CSGALNACT1: variants seen among roughly 807,000 people sequenced by gnomAD.
The protein encoded by CSGALNACT1 is chondroitin sulfate N-acetylgalactosaminyltransferase 1, also known as beta4GalNAcT-1.
In CSGALNACT1, 52 loss-of-function variants were observed where a neutral mutation model predicts 51.0. The ratio of observed to expected loss-of-function variants is 1.02; its 90% CI spans 0.82 to 1.29. CSGALNACT1 has a LOEUF of 1.29. Ranked by LOEUF, CSGALNACT1 falls within the 50% of genes most tolerant of loss-of-function variation. The pLI, the probability that CSGALNACT1 is intolerant of heterozygous loss-of-function variation, is 0.00. For missense variants in CSGALNACT1, 935 were observed against 679.2 expected (o/e 1.38, Z -4.19); for synonymous variants, 341 against 254.4 (o/e 1.34, Z -3.24).
At chr8:19,586,913 T>G (rs74772119) in intron 3 of CSGALNACT1, among the ~76,000 whole-genome samples, 1,943 of 152,298 alleles carry the variant, frequency 0.013, 42 homozygotes, top group African/African-American at 0.044. Flanking sequence ...GATCACGAAA[T>G]TCTTCTTTGA....
intron 3 of CSGALNACT1, among the ~76,000 whole-genome samples, chr8:19,558,985 G>A (rs1006063712): frequency 5.9e-5 from 9 of 152,066 alleles, no homozygotes; most frequent in South Asian, 2.1e-4. Flanking sequence ...CCAAATATTT[G>A]ATGTTCCTTG....
chr8:19,591,514 G>A (rs1298945570), intron 2 of CSGALNACT1, among the ~76,000 whole-genome samples: 1 of 152,144 alleles, frequency 6.6e-6, no homozygotes, highest in Non-Finnish European at 1.5e-5. Context: ...AAGTCCAACC[G>A]TGTAACAAAG....
intron 3 of CSGALNACT1, among the ~76,000 whole-genome samples, chr8:19,557,403 C>G (rs2039705228): frequency 6.6e-6 from 1 of 152,168 alleles, no homozygotes; most frequent in Non-Finnish European, 1.5e-5. Flanking sequence ...CAGCTCCAGA[C>G]TCTCCAACGT....
chr8:19,642,844 A>G (rs996821987), intron 1 of CSGALNACT1, among the ~76,000 whole-genome samples: 1 of 152,076 alleles, frequency 6.6e-6, no homozygotes, highest in Non-Finnish European at 1.5e-5. Flanking sequence ...AACAACAACA[A>G]AAAAATTGCT....
chr8:19,451,304 A>G (rs541927527), intron 5 of CSGALNACT1, among the ~76,000 whole-genome samples: 1 of 151,674 alleles, frequency 6.6e-6, no homozygotes, highest in Non-Finnish European at 1.5e-5. Flanking sequence ...ACAAGTTCCA[A>G]TTTTCTATTA....
intron 6 of CSGALNACT1, among the ~76,000 whole-genome samples, chr8:19,437,443 G>C (rs1472754378): frequency 1.3e-5 from 2 of 152,054 alleles, no homozygotes; most frequent in African/African-American, 2.4e-5. Flanking sequence ...GTAGAGTGTG[G>C]TATGGTACTG....
rs146317095 is a variant in CSGALNACT1 at position 19,511,558 on chromosome 8, T to C, written c.-296-5428A>G. ...AACTTTATTTGAACATATGGCTTCA[T>C]TTAGAATTCCCTCTACCCCAGTTGA... On this transcript the variant is annotated intron_variant, in intron 3 of 9. Coordinates refer to ENST00000454498, the Ensembl canonical transcript of CSGALNACT1. Among the ~76,000 whole-genome samples the C allele has an allele frequency of 6.2e-4, 94 of 152,306 alleles. No homozygotes were observed. The Middle Eastern group carries it at 0.017, about 28-fold the overall frequency.
chr8:19,470,523 G>C (rs1006248516), intron 4 of CSGALNACT1, among the ~76,000 whole-genome samples: 1 of 152,166 alleles, frequency 6.6e-6, no homozygotes, highest in Non-Finnish European at 1.5e-5. Flanking sequence ...CACTGAGCTT[G>C]GACTGGACTC....
intron 4 of CSGALNACT1, among the ~76,000 whole-genome samples, chr8:19,497,829 C>T (rs1438194615): frequency 1.3e-5 from 2 of 152,178 alleles, no homozygotes; most frequent in Non-Finnish European, 2.9e-5. Context: ...AAATGCATAT[C>T]TGATTGCCTA....
Position 19,709,162 on chromosome 8 carries a change from T to C in CSGALNACT1, c.-297+48688A>G, listed in dbSNP as rs894460848. On this transcript the variant is annotated intron_variant, in intron 1 of 1. Coordinates refer to the CSGALNACT1 transcript ENST00000517494. ...ACGAGCTGCCAGCCTGTGTTCCGAT[T>C]ACATACTTGCCAAGAGGTGGGTACA... 3.3e-5 allele frequency among the ~76,000 whole-genome samples: 5 copies of C among 152,320 alleles called. No homozygotes were observed. The East Asian group carries it at 9.6e-4, about 29-fold the overall frequency.
At chr8:19,704,116 T>C (rs1188701091) in intron 1 of CSGALNACT1, among the ~76,000 whole-genome samples, 2 of 152,240 alleles carry the variant, frequency 1.3e-5, no homozygotes, top group African/African-American at 2.4e-5. Context: ...AGCTTGATGG[T>C]TAATTACATA....
At position 19,440,233 on chromosome 8, in the gene CSGALNACT1, G is replaced by C. The variant is rs138200920; in HGVS notation, c.852-302C>G. Among the ~76,000 whole-genome samples the C allele has an allele frequency of 5.5e-3, 841 of 152,288 alleles. 20 individuals are homozygous for C. The highest frequency in any genetic ancestry group is 0.048 in the Admixed American group (738 of 15,300). On this transcript the variant is annotated intron_variant, in intron 5 of 9. Transcript: ENST00000454498. The stretch of plus-strand genomic sequence containing the variant: ...CGGGCCTAGACAGTGTCATGGAATT[G>C]GGTCCTTGGGGTCCCTGGTTCTTAC...
At chr8:19,564,015 T>C (rs959858469) in intron 3 of CSGALNACT1, among the ~76,000 whole-genome samples, 106 of 152,222 alleles carry the variant, frequency 7.0e-4, no homozygotes, top group African/African-American at 2.5e-3. Flanking sequence ...CTTCAGATAA[T>C]CCTTCAGATT....
intron 2 of CSGALNACT1, among the ~76,000 whole-genome samples, chr8:19,595,385 G>C (rs1227197901): frequency 6.6e-6 from 1 of 152,088 alleles, no homozygotes; most frequent in Non-Finnish European, 1.5e-5. Context: ...CACATTTAAA[G>C]TCCAACACGC....
chr8:19,477,352 G>A (rs1274362169), intron 4 of CSGALNACT1, among the ~76,000 whole-genome samples: 1 of 152,124 alleles, frequency 6.6e-6, no homozygotes, highest in Non-Finnish European at 1.5e-5. Context: ...ACAAATGGGT[G>A]GCTAAGACCC....
intron 3 of CSGALNACT1, among the ~76,000 whole-genome samples, chr8:19,513,509 A>G (rs1354767788): frequency 1.3e-5 from 2 of 149,020 alleles, no homozygotes; most frequent in Non-Finnish European, 3.0e-5. Flanking sequence ...ATATACAACC[A>G]ACACCTACAA....
Position 19,406,050 on chromosome 8 carries a change from G to A in CSGALNACT1, c.1329C>T (p.Ile443=), listed in dbSNP as rs770746234. Residue 443 remains isoleucine, a synonymous_variant, in exon 10 of 10, where the codon ATC becomes ATT. Coordinates refer to ENST00000454498, the Ensembl canonical transcript of CSGALNACT1. Reference sequence around the variant, plus strand: ...GCACATCCTCTCCGCCCCAGCCTTTGATGTCCAGATCAAACCCACCTGTCG... The same window carrying A: ...GCACATCCTCTCCGCCCCAGCCTTTAATGTCCAGATCAAACCCACCTGTCG... 34 of 1,614,020 alleles carry A rather than the reference G, an allele frequency of 2.1e-5. No individual in the cohort carries two copies. Among genetic ancestry groups the A allele is most frequent in the Admixed American group, 5.0e-5 (3 of 59,994 alleles).
upstream of CSGALNACT1, among the ~76,000 whole-genome samples, chr8:19,687,089 C>T (rs531280037): frequency 6.6e-6 from 1 of 152,244 alleles, no homozygotes; most frequent in African/African-American, 2.4e-5. Flanking sequence ...TATTCATGGT[C>T]TTGGGGCTTG....
At chr8:19,517,724 T>A (rs1182967197) in intron 3 of CSGALNACT1, among the ~76,000 whole-genome samples, 1 of 151,988 alleles carries the variant, frequency 6.6e-6, no homozygotes, top group African/African-American at 2.4e-5. Context: ...GACAAAAACA[T>A]CAGATCTCCT....
Sources: gnomAD v4.1 joint callset for allele counts (sites outside exome capture counted in the v4.1 genomes callset) on GRCh38, gnomAD v4.1.1 for gene constraint, MANE v1.5 for transcripts, NCBI Gene and HGNC (gene_info 2026-07-23, HGNC 2026-07-21) for gene names.